CAST: variants seen among roughly 807,000 people sequenced by gnomAD.
CAST encodes MIR583 host.
CAST carries 76 observed loss-of-function variants against 119.6 expected under a neutral mutation model. The observed-to-expected ratio is 0.64, with a 90% CI of 0.53 to 0.77. The LOEUF is 0.77. Among genes scored for constraint, CAST ranks in the 30% least tolerant of loss-of-function variants. CAST has a pLI of 0.00. For synonymous variants in CAST, 319 were observed against 331.6 expected, an observed-to-expected ratio of 0.96 and a Z score of 0.41; for missense variants, 953 against 946.5, an observed-to-expected ratio of 1.01 and a Z score of -0.09.
At chr5:96,073,988 A>G in the CAST span, among the ~76,000 whole-genome samples, 2 of 152,242 alleles carry the variant, frequency 1.3e-5, no homozygotes, top group African/African-American at 4.8e-5. Context: ...CTGTGAAACT[A>G]TTCATCAAGG....
chr5:96,105,932 A>C, the CAST span, among the ~76,000 whole-genome samples: 1 of 152,186 alleles, frequency 6.6e-6, no homozygotes, highest in South Asian at 2.1e-4. Context: ...TGATCTATTC[A>C]GAGATTCAAC....
the CAST span, among the ~76,000 whole-genome samples, chr5:96,274,320 T>C: frequency 1.3e-5 from 2 of 151,672 alleles, no homozygotes; most frequent in East Asian, 1.9e-4. Flanking sequence ...GCCAGGATGG[T>C]CTCAATCTCC....
At chr5:96,626,668 C>G (rs1274121535) in intron 1 of CAST, among the ~76,000 whole-genome samples, 1 of 152,192 alleles carries the variant, frequency 6.6e-6, no homozygotes, top group African/African-American at 2.4e-5. Flanking sequence ...CCACAAAGCC[C>G]CTTGCTTCCA....
intron 2 of CAST, among the ~76,000 whole-genome samples, chr5:96,676,215 T>A (rs1297904063): frequency 6.6e-6 from 1 of 152,198 alleles, no homozygotes; most frequent in Admixed American, 6.5e-5. Flanking sequence ...GGATACAGGA[T>A]TTGCCTTCCT....
At chr5:95,961,545 T>A in the CAST span, 4 of 1,547,718 alleles carry the variant, frequency 2.6e-6, no homozygotes, top group Non-Finnish European at 3.5e-6. Flanking sequence ...TCTGCCTCTC[T>A]GAGCCCAGCC....
chr5:96,750,125 A>T (rs1313495996), intron 19 of CAST, among the ~76,000 whole-genome samples: 1 of 152,324 alleles, frequency 6.6e-6, no homozygotes, highest in East Asian at 1.9e-4. Flanking sequence ...AGGTTTATAT[A>T]AATACAATAT....
intron 3 of CAST, among the ~76,000 whole-genome samples, chr5:96,715,492 CTG>C (rs1210116507): frequency 3.3e-5 from 5 of 152,346 alleles, no homozygotes; most frequent in Admixed American, 6.5e-5. Context: ...CCCTTCTTAA[CTG>C]TGTAATCTTA....
At chr5:96,329,832 G>A in the CAST span, among the ~76,000 whole-genome samples, 2 of 152,222 alleles carry the variant, frequency 1.3e-5, no homozygotes, top group African/African-American at 4.8e-5. Context: ...AAGAAACTCT[G>A]CAAATATTCC....
the CAST span, chr5:96,392,582 A>T: frequency 5.2e-6 from 1 of 192,484 alleles, no homozygotes; most frequent in East Asian, 1.4e-4. Context: ...CATGGACAAG[A>T]CAGGGAACAA....
chr5:96,098,463 A>T, the CAST span, among the ~76,000 whole-genome samples: 1 of 152,136 alleles, frequency 6.6e-6, no homozygotes, highest in African/African-American at 2.4e-5. Flanking sequence ...TTGGTTTTAC[A>T]TTGAAGTCTT....
the CAST span, among the ~76,000 whole-genome samples, chr5:96,119,187 T>C: frequency 6.6e-6 from 1 of 152,172 alleles, no homozygotes; most frequent in Non-Finnish European, 1.5e-5. Flanking sequence ...GGGATCTCTA[T>C]TGAGGTCTGA....
At chr5:96,587,231 C>T (rs754691767) in intron 1 of CAST, among the ~76,000 whole-genome samples, 5 of 152,206 alleles carry the variant, frequency 3.3e-5, no homozygotes, top group Non-Finnish European at 7.3e-5. Flanking sequence ...ACTTTAAGAG[C>T]AACCCATTAC....
At chr5:96,504,515 C>G in the CAST span, among the ~76,000 whole-genome samples, 1 of 145,988 alleles carries the variant, frequency 6.8e-6, no homozygotes, top group Admixed American at 7.2e-5. Flanking sequence ...ATCGTTTGTG[C>G]TTAGAATACT....
the CAST span, among the ~76,000 whole-genome samples, chr5:96,025,472 G>T: frequency 1.3e-5 from 2 of 152,026 alleles, no homozygotes; most frequent in Non-Finnish European, 2.9e-5. Flanking sequence ...TATAAATTTG[G>T]GGGGGACACA....
chr5:96,308,753 C>T, the CAST span: 1 of 152,716 alleles, frequency 6.5e-6, no homozygotes, highest in South Asian at 2.1e-4. Context: ...AGGTGCACTC[C>T]AGACCCTGTT....
chr5:96,690,445 G>C (rs1376282169), intron 2 of CAST, among the ~76,000 whole-genome samples: 1 of 152,112 alleles, frequency 6.6e-6, no homozygotes, highest in Non-Finnish European at 1.5e-5. Context: ...GGCCAGGCTG[G>C]TCTCGAACTC....
At chr5:96,504,072 G>C in the CAST span, among the ~76,000 whole-genome samples, 2 of 152,106 alleles carry the variant, frequency 1.3e-5, no homozygotes, top group African/African-American at 4.8e-5. Context: ...ACCATTGTGT[G>C]CTTTCTCTGA....
chr5:96,470,629 T>C, the CAST span, among the ~76,000 whole-genome samples: 1 of 152,092 alleles, frequency 6.6e-6, no homozygotes, highest in African/African-American at 2.4e-5. Context: ...TTAGTTAATG[T>C]GCTAATTTAT....
At chr5:95,969,814 G>A in the CAST span, among the ~76,000 whole-genome samples, 9 of 152,162 alleles carry the variant, frequency 5.9e-5, no homozygotes, top group Admixed American at 5.2e-4. Context: ...TGTCTGGCAG[G>A]CATTTGAAAA....
Sources: gnomAD v4.1 joint callset for allele counts (sites outside exome capture counted in the v4.1 genomes callset) on GRCh38, gnomAD v4.1.1 for gene constraint, MANE v1.5 for transcripts, NCBI Gene and HGNC (gene_info 2026-07-23, HGNC 2026-07-21) for gene names.